MSRA: variants seen among roughly 807,000 people sequenced by gnomAD.
The protein encoded by MSRA is methionine sulfoxide reductase A.
A neutral mutation model predicts 31.3 loss-of-function variants in MSRA; 54 were observed. The ratio of observed to expected loss-of-function variants is 1.73; its 90% CI spans 1.39 to 2.17. The LOEUF is 2.17. Ranked by LOEUF, MSRA falls within the 30% of genes most tolerant of loss-of-function variation. The pLI, the probability that MSRA is intolerant of heterozygous loss-of-function variation, is 0.00. For synonymous variants in MSRA, 169 were observed against 116.5 expected (o/e 1.45, Z -2.90); for missense variants, 507 against 300.9 (o/e 1.69, Z -5.07).
At chr8:10,394,906 T>C (rs769027069) in intron 5 of MSRA, among the ~76,000 whole-genome samples, 3 of 152,254 alleles carry the variant, frequency 2.0e-5, no homozygotes, top group African/African-American at 7.2e-5. Flanking sequence ...CCTACAGTTA[T>C]ATTTCCATTC....
chr8:10,095,454 C>T (rs546058806), intron 1 of MSRA: 4 of 984,916 alleles, frequency 4.1e-6, no homozygotes, highest in South Asian at 4.7e-5. Flanking sequence ...ATTAATTGAT[C>T]CGCAAAGGAC....
intron 5 of MSRA, among the ~76,000 whole-genome samples, chr8:10,332,731 G>C (rs919839084): frequency 2.6e-5 from 4 of 152,202 alleles, no homozygotes; most frequent in Non-Finnish European, 4.4e-5. Flanking sequence ...TATGAGTACA[G>C]ATTGCCCTTT....
chr8:10,189,085 TA>T (rs1322387254), intron 1 of MSRA, among the ~76,000 whole-genome samples: 1 of 152,210 alleles, frequency 6.6e-6, no homozygotes, highest in Admixed American at 6.5e-5. Flanking sequence ...ACTGACATTT[TA>T]TTAAAAATCT....
intron 1 of MSRA, among the ~76,000 whole-genome samples, chr8:10,185,441 A>C (rs1163426378): frequency 6.6e-6 from 1 of 152,150 alleles, no homozygotes; most frequent in African/African-American, 2.4e-5. Context: ...TAAGATGGAC[A>C]ACCCTGTTTC....
At chr8:10,094,728 C>G (rs546519893) in intron 1 of MSRA, among the ~76,000 whole-genome samples, 2 of 152,058 alleles carry the variant, frequency 1.3e-5, no homozygotes, top group South Asian at 2.1e-4. Context: ...GAAGCACAGA[C>G]TGGCTATTTT....
chr8:10,096,198 G>T, intron 1 of MSRA: 1 of 1,252,380 alleles, frequency 8.0e-7, no homozygotes, highest in Non-Finnish European at 1.0e-6. Context: ...TAAAGCAACA[G>T]CTTTTATTTC....
chr8:10,361,054 A>T (rs755904291), intron 5 of MSRA, among the ~76,000 whole-genome samples: 1 of 152,216 alleles, frequency 6.6e-6, no homozygotes, highest in African/African-American at 2.4e-5. Flanking sequence ...AGAGTTGGAC[A>T]ACTCCTTGGT....
chr8:10,133,785 C>T (rs1273320365), intron 1 of MSRA, among the ~76,000 whole-genome samples: 1 of 152,092 alleles, frequency 6.6e-6, no homozygotes, highest in African/African-American at 2.4e-5. Flanking sequence ...ATTATCCTGA[C>T]CTGTCAGTTT....
chr8:10,296,026 T>G (rs893674658), intron 3 of MSRA, among the ~76,000 whole-genome samples: 26 of 152,182 alleles, frequency 1.7e-4, no homozygotes, highest in African/African-American at 5.8e-4. Context: ...AAATTCTGAT[T>G]CTAGACTGGG....
chr8:10,354,431 C>T (rs943943567), intron 5 of MSRA, among the ~76,000 whole-genome samples: 2 of 152,258 alleles, frequency 1.3e-5, no homozygotes, highest in East Asian at 3.9e-4. Flanking sequence ...TCTGGAGGAA[C>T]AGAACTTTGT....
At chr8:10,097,351 C>T (rs931076398) in intron 1 of MSRA, among the ~76,000 whole-genome samples, 5 of 152,146 alleles carry the variant, frequency 3.3e-5, no homozygotes, top group African/African-American at 1.2e-4. Context: ...CACTACGTCG[C>T]TGATACTCCT....
At chr8:10,142,875 A>G (rs949192271) in intron 1 of MSRA, among the ~76,000 whole-genome samples, 1 of 152,230 alleles carries the variant, frequency 6.6e-6, no homozygotes, top group South Asian at 2.1e-4. Context: ...CTATTAGAAA[A>G]TAATACTTTA....
At chr8:10,413,660 T>C (rs1163878984) in intron 5 of MSRA, among the ~76,000 whole-genome samples, 1 of 27,524 alleles carries the variant, frequency 3.6e-5, no homozygotes. Flanking sequence ...GAGAGAGATA[T>C]TAAAAAAAAA....
At chr8:10,054,800 A>C (rs1034700424) in intron 1 of MSRA, 142 bp downstream of exon 1, 395 of 943,804 alleles carry the variant, frequency 4.2e-4, no homozygotes, top group Non-Finnish European at 5.1e-4. Flanking sequence ...GCAGGCGCGA[A>C]GGGGCGCCGG....
chr8:10,187,258 C>G (rs143736116), intron 1 of MSRA, among the ~76,000 whole-genome samples: 1 of 152,176 alleles, frequency 6.6e-6, no homozygotes, highest in Admixed American at 6.5e-5. Context: ...CCGGTGATAC[C>G]TGGAGTGTCT....
chr8:10,345,422 TC>T (rs1803707632), intron 5 of MSRA, among the ~76,000 whole-genome samples: 1 of 152,166 alleles, frequency 6.6e-6, no homozygotes, highest in Admixed American at 6.5e-5. Context: ...TTCACATTCC[TC>T]ATGAATGAAG....
chr8:10,266,559 T>G (rs1211713487), intron 3 of MSRA, among the ~76,000 whole-genome samples: 1 of 152,170 alleles, frequency 6.6e-6, no homozygotes, highest in Non-Finnish European at 1.5e-5. Context: ...CTTAACAGTG[T>G]TTTTTGAAAA....
chr8:10,276,874 TA>T (rs1183483159), intron 3 of MSRA, among the ~76,000 whole-genome samples: 2 of 152,180 alleles, frequency 1.3e-5, no homozygotes, highest in African/African-American at 4.8e-5. Flanking sequence ...CTTTAAGTAA[TA>T]AAGAAAGGAT....
At chr8:10,227,658 A>C (rs893931871) in intron 2 of MSRA, among the ~76,000 whole-genome samples, 9 of 152,226 alleles carry the variant, frequency 5.9e-5, no homozygotes, top group Non-Finnish European at 1.2e-4. Flanking sequence ...TGGAGTGTAC[A>C]CGTGCATATG....
Sources: gnomAD v4.1 joint callset for allele counts (sites outside exome capture counted in the v4.1 genomes callset) on GRCh38, gnomAD v4.1.1 for gene constraint, MANE v1.5 for transcripts, NCBI Gene and HGNC (gene_info 2026-07-23, HGNC 2026-07-21) for gene names.